Variants in UNC5C observed in about 807,000 individuals in gnomAD.
UNC5C encodes the protein unc-5 netrin receptor C.
Under a neutral mutation model 99.8 loss-of-function variants are expected in UNC5C, and 47 were observed. The ratio of observed to expected loss-of-function variants is 0.47; its 90% CI spans 0.37 to 0.60. The LOEUF (loss-of-function observed/expected upper bound fraction) is 0.60. UNC5C is among the 20% of genes least tolerant of loss of function. UNC5C has a pLI of 0.00. For synonymous variants in UNC5C, 487 were observed against 452.2 expected, an observed-to-expected ratio of 1.08 and a Z score of -0.98; for missense variants, 1,062 against 1,165.9, an observed-to-expected ratio of 0.91 and a Z score of 1.30.
At chr4:95,527,505 T>C (rs1388566728) in intron 1 of UNC5C, among the ~76,000 whole-genome samples, 2 of 152,118 alleles carry the variant, frequency 1.3e-5, no homozygotes, top group Non-Finnish European at 2.9e-5. Flanking sequence ...TTGGAGTATT[T>C]CTCAGCCTCC....
Position 95,165,655 on chromosome 4 carries a change from C to T in UNC5C, c.*3579G>A, listed in dbSNP as rs1219889798. On this transcript the variant is annotated 3_prime_UTR_variant, in exon 16 of 16. Transcript: ENST00000453304. ...CAGCAGAAAAGAAGCTGCTTTCTTC[C>T]CTTTGATTAACAACCCCAATTTTCT... is the stretch of plus-strand genomic sequence containing the variant. 1 of 152,172 alleles carries T rather than the reference C, an allele frequency of 6.6e-6. No individual in the cohort carries two copies. Among genetic ancestry groups the T allele is most frequent in the Non-Finnish European group, 1.5e-5 (1 of 68,028 alleles). 9.4% of individuals were successfully genotyped at this position (152,172 alleles called of 1,614,324 possible).
chr4:95,274,438 A>G (rs1219509277), intron 4 of UNC5C, among the ~76,000 whole-genome samples: 2 of 152,184 alleles, frequency 1.3e-5, no homozygotes, highest in Non-Finnish European at 1.5e-5. Flanking sequence ...ATATAAAGAA[A>G]GGACTTTAGG....
At chr4:95,295,331 C>A (rs1218355876) in intron 3 of UNC5C, among the ~76,000 whole-genome samples, 1 of 152,146 alleles carries the variant, frequency 6.6e-6, no homozygotes, top group African/African-American at 2.4e-5. Context: ...TGAAAACTAC[C>A]AGACCCGCCT....
chr4:95,185,800 A>G (rs1302177667), intron 12 of UNC5C, among the ~76,000 whole-genome samples: 2 of 152,344 alleles, frequency 1.3e-5, no homozygotes, highest in South Asian at 2.1e-4. Context: ...AAATTAGAAT[A>G]TGCTAATTAT....
chr4:95,355,215 T>A (rs968677920), intron 1 of UNC5C, among the ~76,000 whole-genome samples: 1 of 152,156 alleles, frequency 6.6e-6, no homozygotes, highest in African/African-American at 2.4e-5. Context: ...GATATGGCAA[T>A]GTGGCGACAG....
Position 95,440,201 on chromosome 4 carries a change from G to A in UNC5C, c.125-104570C>T, listed in dbSNP as rs551366300. Among the ~76,000 whole-genome samples, 8 of 152,288 alleles carry A rather than the reference G, an allele frequency of 5.3e-5. No individual in the cohort carries two copies. The South Asian group carries it at 1.2e-3, about 24-fold the overall frequency. ...ACGGATAGGAAAGCCAGAAGTACAC[G>A]TAATGGAGAAAGGGAGACAGTAGAT... On this transcript the variant is annotated intron_variant, in intron 1 of 15. Transcript: ENST00000453304.
intron 5 of UNC5C, among the ~76,000 whole-genome samples, chr4:95,245,984 T>C (rs9637615): frequency 0.38 from 57,766 of 152,122 alleles, 11,360 homozygotes; most frequent in East Asian, 0.63. Context: ...TGTTTCCTGA[T>C]ACTAAAGAAG....
chr4:95,390,258 A>G (rs1745319181), intron 1 of UNC5C, among the ~76,000 whole-genome samples: 1 of 152,144 alleles, frequency 6.6e-6, no homozygotes, highest in African/African-American at 2.4e-5. Flanking sequence ...CTTAGCCTGA[A>G]ACTAGCTAGA....
intron 4 of UNC5C, among the ~76,000 whole-genome samples, chr4:95,263,737 T>C (rs1740331004): frequency 6.6e-6 from 1 of 152,208 alleles, no homozygotes; most frequent in African/African-American, 2.4e-5. Flanking sequence ...AGAAAAGTAA[T>C]ATCTGTCCTA....
At chr4:95,459,752 C>A (rs1031426723) in intron 1 of UNC5C, among the ~76,000 whole-genome samples, 10 of 152,094 alleles carry the variant, frequency 6.6e-5, no homozygotes, top group Non-Finnish European at 1.3e-4. Flanking sequence ...AGGTGGTTCA[C>A]CACATGATCC....
At chr4:95,318,291 T>C (rs956530422) in intron 2 of UNC5C, among the ~76,000 whole-genome samples, 2 of 151,978 alleles carry the variant, frequency 1.3e-5, no homozygotes, top group African/African-American at 4.8e-5. Flanking sequence ...GTGATGGAGC[T>C]GGAAGCCCAG....
rs775847912 is a variant in UNC5C, at chr4:95,242,420, T to C, written c.1108+9A>G. 3.1e-6 allele frequency: 5 copies of C among 1,614,070 alleles called. No individual in the cohort carries two copies. The highest frequency in any genetic ancestry group is 1.7e-4 in the Middle Eastern group (1 of 6,058). On this transcript the variant is annotated intron_variant, in intron 7 of 15. Transcript: ENST00000453304. ...CCTCAATGTCTGCAGTTTGCTTAAA[T>C]TGACTTACTCTGCATGCAAAGCCCA...
chr4:95,333,765 A>G (rs1029767276), intron 2 of UNC5C, among the ~76,000 whole-genome samples: 1 of 152,112 alleles, frequency 6.6e-6, no homozygotes, highest in African/African-American at 2.4e-5. Flanking sequence ...ATCTTCCTAT[A>G]TAGGCATGTC....
Position 95,349,322 on chromosome 4 carries a change from GGT to G in UNC5C, c.125-13693_125-13692del, listed in dbSNP as rs151051852. Among the ~76,000 whole-genome samples, 4,189 of 120,644 alleles carry G rather than the reference GGT, an allele frequency of 0.035. 516 individuals are homozygous for G. In the East Asian group the frequency reaches 0.5, roughly 14 times the overall value. 79.1% of individuals were successfully genotyped at this position (120,644 alleles called of 152,430 possible). On this transcript the variant is annotated intron_variant, in intron 1 of 15. Transcript: ENST00000453304. Reference sequence around the variant, plus strand: ...AAAATAAAAAGAATGAGAGAGAAAGGGTGTGTGTGTGTGTGTGTGGGTGTGTG... The same window carrying G: ...AAAATAAAAAGAATGAGAGAGAAAGGGTGTGTGTGTGTGTGTGGGTGTGTG...
chr4:95,343,978 A>G (rs886790046), intron 1 of UNC5C, among the ~76,000 whole-genome samples: 4 of 152,126 alleles, frequency 2.6e-5, no homozygotes, highest in African/African-American at 9.7e-5. Flanking sequence ...TCTAAGAGTT[A>G]TTGGCCTTAA....
intron 12 of UNC5C, among the ~76,000 whole-genome samples, chr4:95,201,595 CT>C (rs1473881332): frequency 2.6e-5 from 4 of 151,806 alleles, no homozygotes; most frequent in Non-Finnish European, 5.9e-5. Flanking sequence ...AATAATATGC[CT>C]GCAGAGAGTC....
chr4:95,297,134 G>A (rs1579304802), intron 3 of UNC5C, among the ~76,000 whole-genome samples: 1 of 152,184 alleles, frequency 6.6e-6, no homozygotes, highest in Non-Finnish European at 1.5e-5. Context: ...TAACTCTGAA[G>A]GGCCATGTGA....
At chr4:95,518,812 A>C (rs1435602253) in intron 1 of UNC5C, among the ~76,000 whole-genome samples, 1 of 152,228 alleles carries the variant, frequency 6.6e-6, no homozygotes, top group Non-Finnish European at 1.5e-5. Flanking sequence ...CAAAGATTTA[A>C]GTCCTTATAA....
intron 3 of UNC5C, among the ~76,000 whole-genome samples, chr4:95,289,258 A>G (rs1741356631): frequency 6.6e-6 from 1 of 152,200 alleles, no homozygotes; most frequent in Admixed American, 6.5e-5. Context: ...TGATGGTTGT[A>G]CTGATATTTA....
Sources: allele counts gnomAD v4.1 joint callset (sites outside exome capture counted in the v4.1 genomes callset), GRCh38; gene constraint gnomAD v4.1.1; transcripts MANE v1.5; gene names NCBI Gene and HGNC (gene_info 2026-07-23, HGNC 2026-07-21).